Variants in LRBA observed in about 807,000 individuals in gnomAD.
LRBA encodes LPS responsive beige-like anchor protein.
A neutral mutation model predicts 330.0 loss-of-function variants in LRBA; 176 were observed. The observed-to-expected ratio is 0.53, with a 90% CI of 0.47 to 0.60. LRBA has a LOEUF of 0.60. Among genes scored for constraint, LRBA ranks in the 20% least tolerant of loss-of-function variants. LRBA has a pLI of 0.00. For missense variants in LRBA, 3,259 were observed against 3,444.8 expected, an observed-to-expected ratio of 0.95 and a Z score of 1.35; for synonymous variants, 1,230 against 1,193.0, an observed-to-expected ratio of 1.03 and a Z score of -0.64.
At chr4:150,899,115 A>T (rs1359930868) in intron 14 of LRBA, among the ~76,000 whole-genome samples, 2 of 152,156 alleles carry the variant, frequency 1.3e-5, no homozygotes, top group African/African-American at 4.8e-5. Flanking sequence ...ATGTCTTTCA[A>T]CTTAGGGGAT....
chr4:150,903,825 A>G (rs1459051181), intron 13 of LRBA, among the ~76,000 whole-genome samples: 2 of 152,144 alleles, frequency 1.3e-5, no homozygotes, highest in East Asian at 3.9e-4. Context: ...TCCCTCATTC[A>G]CTCATTATGT....
At chr4:150,911,901 T>C (rs1027498779) in intron 9 of LRBA, among the ~76,000 whole-genome samples, 1 of 152,210 alleles carries the variant, frequency 6.6e-6, no homozygotes, top group Non-Finnish European at 1.5e-5. Context: ...TTTTTAAATT[T>C]ATTTTTGATT....
chr4:150,495,942 T>G (rs546632144), intron 40 of LRBA, among the ~76,000 whole-genome samples: 2 of 152,312 alleles, frequency 1.3e-5, no homozygotes, highest in South Asian at 4.1e-4. Flanking sequence ...AGTATTATTA[T>G]TAGTAAATTA....
chr4:150,359,979 C>A (rs376975038), intron 47 of LRBA, among the ~76,000 whole-genome samples: 21 of 146,166 alleles, frequency 1.4e-4, no homozygotes, highest in East Asian at 2.0e-4. Context: ...GACTCCGTCT[C>A]AAAAAAAAAA....
chr4:150,629,322 C>T (rs1777150169), intron 37 of LRBA, among the ~76,000 whole-genome samples: 1 of 152,200 alleles, frequency 6.6e-6, no homozygotes, highest in Non-Finnish European at 1.5e-5. Flanking sequence ...CAACGGCCCA[C>T]CAATTATAAA....
intron 31 of LRBA, among the ~76,000 whole-genome samples, chr4:150,812,125 A>G (rs527517155): frequency 1.3e-5 from 2 of 152,316 alleles, no homozygotes; most frequent in African/African-American, 4.8e-5. Context: ...CTGTGGAAAA[A>G]AATGTAATAT....
At chr4:150,334,916 G>A (rs561272196) in intron 48 of LRBA, among the ~76,000 whole-genome samples, 32 of 144,888 alleles carry the variant, frequency 2.2e-4, no homozygotes, top group African/African-American at 7.7e-4. Context: ...TGCAACCTCC[G>A]TCTCCGAGGT....
chr4:150,829,896 T>C (rs376123826), intron 29 of LRBA, among the ~76,000 whole-genome samples: 1 of 152,334 alleles, frequency 6.6e-6, no homozygotes, highest in African/African-American at 2.4e-5. Flanking sequence ...TGAAAATCTC[T>C]TTCACCTTTA....
chr4:150,600,690 T>A (rs1774024334), intron 37 of LRBA, among the ~76,000 whole-genome samples: 3 of 152,176 alleles, frequency 2.0e-5, no homozygotes. Flanking sequence ...ATTTCTTCAT[T>A]ATTCTGTCTA....
chr4:150,838,826 T>C (rs1204833007), intron 28 of LRBA, among the ~76,000 whole-genome samples: 1 of 152,198 alleles, frequency 6.6e-6, no homozygotes, highest in Admixed American at 6.5e-5. Flanking sequence ...CTTTGTTCCA[T>C]TGCTGGCAAG....
At chr4:150,929,204 C>T in intron 2 of LRBA, 139 bp from the exon 3 acceptor site, 1 of 560,340 alleles carries the variant, frequency 1.8e-6, no homozygotes, top group South Asian at 3.1e-5. Context: ...ACATGCAGCT[C>T]AAAAAACTGA....
chr4:150,655,295 CTGG>C (rs1234671183), intron 37 of LRBA, among the ~76,000 whole-genome samples: 2 of 151,876 alleles, frequency 1.3e-5, no homozygotes, highest in Admixed American at 1.3e-4. Context: ...TTCATTTATC[CTGG>C]TGATCACTTC....
chr4:150,673,609 T>C (rs1331994588), intron 37 of LRBA, among the ~76,000 whole-genome samples: 4 of 152,212 alleles, frequency 2.6e-5, no homozygotes, highest in Admixed American at 6.5e-5. Flanking sequence ...TTAGTCTCTC[T>C]TGGCATATGT....
intron 2 of LRBA, among the ~76,000 whole-genome samples, chr4:150,929,422 C>T (rs956374673): frequency 6.6e-6 from 1 of 152,194 alleles, no homozygotes; most frequent in Non-Finnish European, 1.5e-5. Flanking sequence ...ACTGAATAAT[C>T]TAAAGGTCCT....
At chr4:150,465,840 C>G (rs1161613593) in intron 44 of LRBA, among the ~76,000 whole-genome samples, 3 of 151,910 alleles carry the variant, frequency 2.0e-5, no homozygotes, top group African/African-American at 7.2e-5. Context: ...TTTCTTAGCT[C>G]TAAGCACTAT....
chr4:150,838,430 A>C (rs1314974130), intron 28 of LRBA, among the ~76,000 whole-genome samples: 1 of 152,208 alleles, frequency 6.6e-6, no homozygotes, highest in Admixed American at 6.5e-5. Context: ...AGGTACACCA[A>C]TCAGACGTAG....
intron 26 of LRBA, among the ~76,000 whole-genome samples, chr4:150,846,137 G>GA (rs1228585388): frequency 2.0e-5 from 3 of 152,190 alleles, no homozygotes; most frequent in Non-Finnish European, 4.4e-5. Context: ...TATCTTAAGT[G>GA]AAACAAGTCA....
intron 41 of LRBA, among the ~76,000 whole-genome samples, chr4:150,490,114 G>A (rs1005712930): frequency 1.3e-5 from 2 of 151,630 alleles, no homozygotes; most frequent in African/African-American, 4.8e-5. Context: ...TATGTGCCAG[G>A]AGGAGATCAA....
chr4:150,926,598 A>C (rs1299972210), intron 4 of LRBA, among the ~76,000 whole-genome samples: 1 of 152,222 alleles, frequency 6.6e-6, no homozygotes, highest in Non-Finnish European at 1.5e-5. Flanking sequence ...CATAAGCAGC[A>C]GAAAAATGTG....
Sources: allele counts gnomAD v4.1 joint callset (sites outside exome capture counted in the v4.1 genomes callset), GRCh38; gene constraint gnomAD v4.1.1; transcripts MANE v1.5; gene names NCBI Gene and HGNC (gene_info 2026-07-23, HGNC 2026-07-21).